ITPR2: variants seen among roughly 807,000 people sequenced by gnomAD.
The protein encoded by ITPR2 is inositol 1,4,5-trisphosphate receptor type 2.
In ITPR2, 207 loss-of-function variants were observed where a neutral mutation model predicts 317.1. The ratio of observed to expected loss-of-function variants is 0.65; its 90% CI spans 0.58 to 0.73. The LOEUF (loss-of-function observed/expected upper bound fraction) is 0.73. ITPR2 is among the 30% of genes least tolerant of loss of function. ITPR2 has a pLI of 0.00. For synonymous variants in ITPR2, 1,156 were observed against 1,149.1 expected, an observed-to-expected ratio of 1.01 and a Z score of -0.12; for missense variants, 2,613 against 3,284.0, an observed-to-expected ratio of 0.80 and a Z score of 4.99.
chr12:26,772,491 C>CATGTATTATATATAATAT (rs3064583), intron 2 of ITPR2, among the ~76,000 whole-genome samples: 7 of 100,506 alleles, frequency 7.0e-5, no homozygotes, highest in Admixed American at 2.2e-4. Flanking sequence ...ATATATAATA[C>CATGTATTATATATAATAT]ATATAATACA....
At position 26,339,076 on chromosome 12, in the gene ITPR2, G is replaced by C. The variant is rs1455871728; in HGVS notation, c.*321C>G. 3 of 228,812 alleles carry C rather than the reference G, an allele frequency of 1.3e-5. No homozygotes were observed. Among genetic ancestry groups the C allele is most frequent in the African/African-American group, 2.3e-5 (1 of 43,906 alleles). 14.2% of individuals were successfully genotyped at this position (228,812 alleles called of 1,614,324 possible). ...AAAACTGACTCCTATCGATTTAGCA[G>C]AAGAGAGTTCTCCCTGCCCCGTGTC... is the stretch of plus-strand genomic sequence containing the variant. On this transcript the variant is annotated 3_prime_UTR_variant, in exon 57 of 57. Transcript: ENST00000381340.
chr12:26,415,613 A>G, intron 50 of ITPR2, 115 bp from the exon 51 acceptor site: 1 of 662,580 alleles, frequency 1.5e-6, no homozygotes, highest in East Asian at 3.1e-5. Flanking sequence ...ATATAAAGAA[A>G]TAACCTAAAC....
At chr12:26,464,173 G>A (rs930244423) in intron 45 of ITPR2, among the ~76,000 whole-genome samples, 2 of 152,060 alleles carry the variant, frequency 1.3e-5, no homozygotes, top group Non-Finnish European at 2.9e-5. Context: ...ACTGGGGCGT[G>A]GGGGGGAATG....
In ITPR2 at chr12:26,698,490, G is replaced by A. The variant is rs114627232; in HGVS notation, c.952-2840C>T. On this transcript the variant is annotated intron_variant, in intron 9 of 56. Transcript: ENST00000381340. The stretch of plus-strand genomic sequence containing the variant: ...ATGTACTGCATGATTCCATTTAAAT[G>A]AAATAAACGAACAAACAAAACTACA... Among the ~76,000 whole-genome samples the A allele has an allele frequency of 2.9e-3, 442 of 152,254 alleles. 2 individuals are homozygous for A. Among genetic ancestry groups the A allele is most frequent in the African/African-American group, 0.01 (424 of 41,564 alleles).
intron 55 of ITPR2, among the ~76,000 whole-genome samples, chr12:26,380,028 G>T (rs1039512433): frequency 1.3e-5 from 2 of 152,174 alleles, no homozygotes; most frequent in African/African-American, 4.8e-5. Flanking sequence ...CAGGTTCAGT[G>T]TCTTACCTGC....
At chr12:26,670,621 G>A (rs1309904371) in intron 13 of ITPR2, among the ~76,000 whole-genome samples, 2 of 152,060 alleles carry the variant, frequency 1.3e-5, no homozygotes, top group East Asian at 3.9e-4. Flanking sequence ...AGAAAAACTG[G>A]AAACTCTAAA....
intron 22 of ITPR2, among the ~76,000 whole-genome samples, chr12:26,628,428 C>T (rs1172679860): frequency 6.6e-6 from 1 of 152,188 alleles, no homozygotes; most frequent in Non-Finnish European, 1.5e-5. Flanking sequence ...CAGCTAGAGG[C>T]ATCGTGGGGG....
chr12:26,720,240 T>C (rs547901592), intron 5 of ITPR2, among the ~76,000 whole-genome samples: 1 of 152,332 alleles, frequency 6.6e-6, no homozygotes, highest in East Asian at 1.9e-4. Flanking sequence ...AGCCTATTTA[T>C]TGCATTTCAT....
At chr12:26,507,857 C>CTCTGTGTG (rs1326140162) in intron 37 of ITPR2, among the ~76,000 whole-genome samples, 46 of 88,332 alleles carry the variant, frequency 5.2e-4, no homozygotes, top group African/African-American at 1.5e-3. Flanking sequence ...TCTTCTCTCT[C>CTCTGTGTG]TGTCTCTGTG....
chr12:26,556,263 G>A lies in ITPR2; in HGVS notation c.4934C>T (p.Ala1645Val), dbSNP rs747527121. 2 of 1,613,594 alleles carry A rather than the reference G, an allele frequency of 1.2e-6. No individual in the cohort carries two copies. Among genetic ancestry groups the A allele is most frequent in the Non-Finnish European group, 8.5e-7 (1 of 1,179,876 alleles). ...CATGAAAGCGCCACATCTTATTCTT[G>A]CATCGCTTCCCTCAGGGAACAGCAG... ...PELLFPEGSD[A>V]RIRCGAFMSK... The change falls in exon 36 of 57, where the codon GCA becomes GTA. Residue 1645 changes from alanine to valine, a missense_variant. By Grantham distance (64) the Ala-to-Val change is moderately conservative. Around this residue, in one of 9 missense-constraint regions of ITPR2, gnomAD observed 926 missense variants for 1,072.8 expected, o/e 0.86. Transcript: ENST00000381340.
intron 13 of ITPR2, among the ~76,000 whole-genome samples, chr12:26,666,542 T>A (rs1476502514): frequency 6.6e-6 from 1 of 152,158 alleles, no homozygotes; most frequent in Non-Finnish European, 1.5e-5. Context: ...ATTCCAATCC[T>A]TTTTCTTTCT....
chr12:26,722,282 T>A, intron 5 of ITPR2, 115 bp downstream of exon 5: 1 of 837,838 alleles, frequency 1.2e-6, no homozygotes, highest in African/African-American at 1.7e-5. Context: ...AACATAAAAA[T>A]CAGGTATTGA....
chr12:26,709,591 A>G (rs1307491491), intron 9 of ITPR2, among the ~76,000 whole-genome samples: 5 of 152,240 alleles, frequency 3.3e-5, no homozygotes, highest in South Asian at 2.1e-4. Flanking sequence ...TGTTTTAATT[A>G]TAGAAATTAA....
intron 22 of ITPR2, 87 bp downstream of exon 22, chr12:26,631,779 C>G: frequency 8.8e-7 from 1 of 1,131,910 alleles, no homozygotes; most frequent in Non-Finnish European, 1.3e-6. Flanking sequence ...AGAATATTTA[C>G]ACAGTGATTT....
At chr12:26,649,305 T>C (rs1446430189) in intron 21 of ITPR2, 3 of 152,208 alleles carry the variant, frequency 2.0e-5, no homozygotes, top group Admixed American at 2.0e-4. Flanking sequence ...TTCTTCAGCA[T>C]GTATTTGCTA....
intron 49 of ITPR2, among the ~76,000 whole-genome samples, chr12:26,423,560 T>TA (rs1940957989): frequency 6.6e-6 from 1 of 152,158 alleles, no homozygotes; most frequent in Non-Finnish European, 1.5e-5. Flanking sequence ...GTTATTTATT[T>TA]AAAAATCTGA....
intron 55 of ITPR2, among the ~76,000 whole-genome samples, chr12:26,380,572 A>G (rs1939480194): frequency 6.6e-6 from 1 of 152,238 alleles, no homozygotes; most frequent in African/African-American, 2.4e-5. Context: ...TCTTTAAAAT[A>G]GTGTTTAGTT....
rs75516235 is a variant in ITPR2 at position 26,676,477 on chromosome 12, T to TA, written c.1409+5396dup. Among the ~76,000 whole-genome samples, 656 of 131,430 alleles carry TA rather than the reference T, an allele frequency of 5.0e-3. 4 individuals are homozygous for TA. Among genetic ancestry groups the TA allele is most frequent in the African/African-American group, 9.6e-3 (340 of 35,546 alleles). The allele number at this position is 131,430 out of a possible 152,430, so 86.2% of individuals were successfully genotyped here. A position where few individuals can be genotyped will look rare whatever the true frequency, so the allele number is the denominator to read the frequency against. On this transcript the variant is annotated intron_variant, in intron 13 of 56. Coordinates refer to ENST00000381340, the MANE Select transcript of ITPR2 (RefSeq NM_002223.4). Reference sequence around the variant, plus strand: ...GGGTGACAGAGTGAGACTCTGTCTCTAAAAAAAAAAAAAAAAGAGTAAAGG... The same window carrying TA: ...GGGTGACAGAGTGAGACTCTGTCTCTAAAAAAAAAAAAAAAAAGAGTAAAGG...
rs547728628 is a variant in ITPR2, at chr12:26,388,507, C to T, written c.7697-913G>A. ...TGAGACAGAGTCTCACTCTGTTTCC[C>T]AGGCTGGAGTGCAGTGGCTCAATGC... On this transcript the variant is annotated intron_variant, in intron 54 of 56. Transcript: ENST00000381340. Among the ~76,000 whole-genome samples, 17 of 152,168 alleles carry T rather than the reference C, an allele frequency of 1.1e-4. No homozygotes were observed. The East Asian group carries it at 3.3e-3, about 29-fold the overall frequency.
Sources: allele counts gnomAD v4.1 joint callset (sites outside exome capture counted in the v4.1 genomes callset), GRCh38; gene constraint gnomAD v4.1.1; regional missense constraint gnomAD v4.1.1; transcripts MANE v1.5; gene names NCBI Gene and HGNC (gene_info 2026-07-23, HGNC 2026-07-21).